CFAP53: variants seen among roughly 807,000 people sequenced by gnomAD.
CFAP53 encodes cilia- and flagella-associated protein 53.
A neutral mutation model predicts 59.7 loss-of-function variants in CFAP53; 62 were observed. The observed-to-expected ratio is 1.04, with a 90% CI of 0.85 to 1.28. The LOEUF (loss-of-function observed/expected upper bound fraction) is 1.28. Among genes scored for constraint, CFAP53 ranks in the 50% most tolerant of loss-of-function variants. The probability of loss-of-function intolerance (pLI) is 0.00; values close to 1 mark genes in which losing one functional copy is unlikely to be tolerated. For synonymous variants in CFAP53, 218 were observed against 205.7 expected, an observed-to-expected ratio of 1.06 and a Z score of -0.51; for missense variants, 629 against 615.6, an observed-to-expected ratio of 1.02 and a Z score of -0.23.
intron 7 of CFAP53, among the ~76,000 whole-genome samples, chr18:50,233,292 A>C (rs1599113193): frequency 6.6e-6 from 1 of 152,180 alleles, no homozygotes; most frequent in Non-Finnish European, 1.5e-5. Flanking sequence ...AAAATAAATA[A>C]ATAAATCCAA....
intron 1 of CFAP53, 59 bp from the exon 2 acceptor site, chr18:50,262,278 A>G: frequency 7.1e-7 from 1 of 1,404,028 alleles, no homozygotes; most frequent in Non-Finnish European, 1.0e-6. Flanking sequence ...GCATATTTTC[A>G]ATTAGTTATG....
chr18:50,256,848 T>C (rs1346035580), intron 3 of CFAP53, among the ~76,000 whole-genome samples: 1 of 151,350 alleles, frequency 6.6e-6, no homozygotes, highest in African/African-American at 2.4e-5. Context: ...AAATGAACTC[T>C]TGTATTCCTT....
intron 3 of CFAP53, among the ~76,000 whole-genome samples, chr18:50,253,690 T>C (rs926473346): frequency 6.6e-6 from 1 of 152,174 alleles, no homozygotes; most frequent in Admixed American, 6.5e-5. Context: ...GATGAGGAAA[T>C]GGAAGCACAC....
chr18:50,230,929 C>G (rs2033577878), intron 7 of CFAP53, among the ~76,000 whole-genome samples: 1 of 152,148 alleles, frequency 6.6e-6, no homozygotes, highest in African/African-American at 2.4e-5. Context: ...TGTCTCCCTC[C>G]CCATATGTGT....
At chr18:50,262,704 T>C (rs188999766) in intron 1 of CFAP53, among the ~76,000 whole-genome samples, 13 of 152,158 alleles carry the variant, frequency 8.5e-5, no homozygotes, top group African/African-American at 2.4e-4. Context: ...TGCGAATATA[T>C]AGAAAAAATA....
At chr18:50,245,140 T>C (rs1229562037) in intron 5 of CFAP53, among the ~76,000 whole-genome samples, 1 of 150,342 alleles carries the variant, frequency 6.7e-6, no homozygotes, top group Admixed American at 6.6e-5. Context: ...CCCAGCACTT[T>C]GGGAGGCCGA....
At chr18:50,245,818 T>G (rs896132349) in intron 5 of CFAP53, among the ~76,000 whole-genome samples, 1 of 152,150 alleles carries the variant, frequency 6.6e-6, no homozygotes, top group African/African-American at 2.4e-5. Context: ...AAAACAATTT[T>G]AAAAAGAACA....
chr18:50,256,480 C>T (rs12957058), intron 3 of CFAP53: 27,741 of 152,108 alleles, frequency 0.18, 2,624 homozygotes, highest in East Asian at 0.23. Context: ...TGGCAAGTCG[C>T]GTCTGGCCCT....
chr18:50,236,905 C>T (rs112286685), intron 7 of CFAP53, among the ~76,000 whole-genome samples: 47 of 152,200 alleles, frequency 3.1e-4, no homozygotes, highest in African/African-American at 1.1e-3. Context: ...AACTGTAATA[C>T]CTCTGCCCAT....
chr18:50,254,358 C>G (rs1039592217), intron 3 of CFAP53, among the ~76,000 whole-genome samples: 9 of 152,116 alleles, frequency 5.9e-5, no homozygotes, highest in Admixed American at 2.0e-4. Context: ...AAAATAAGCA[C>G]ATGAAAAGTT....
At chr18:50,244,904 TA>T (rs1191898245) in intron 5 of CFAP53, among the ~76,000 whole-genome samples, 4 of 150,756 alleles carry the variant, frequency 2.7e-5, no homozygotes, top group Admixed American at 6.6e-5. Context: ...CTACTAAAAA[TA>T]CAAAAAAATT....
intron 7 of CFAP53, among the ~76,000 whole-genome samples, chr18:50,238,169 G>C (rs1006692226): frequency 6.6e-6 from 1 of 152,200 alleles, no homozygotes; most frequent in African/African-American, 2.4e-5. Flanking sequence ...TGCTTTGAGC[G>C]TCTAGAAGGA....
chr18:50,238,818 G>A (rs1339379312), intron 6 of CFAP53, 113 bp from the exon 7 acceptor site: 3 of 716,048 alleles, frequency 4.2e-6, no homozygotes, highest in Admixed American at 5.6e-5. Flanking sequence ...TAGAATCAAG[G>A]CTGGATCTTA....
intron 3 of CFAP53, among the ~76,000 whole-genome samples, chr18:50,260,360 A>T (rs916418360): frequency 6.6e-6 from 1 of 152,112 alleles, no homozygotes; most frequent in Non-Finnish European, 1.5e-5. Flanking sequence ...GAAACAGACA[A>T]TAAAGAAGAG....
chr18:50,227,197 G>C lies in CFAP53; in HGVS notation c.*184C>G. The C allele has an allele frequency of 1.8e-6, 1 of 569,890 alleles. No homozygotes were observed. Among genetic ancestry groups the C allele is most frequent in the Non-Finnish European group, 3.1e-6 (1 of 322,750 alleles). 35.3% of individuals were successfully genotyped at this position (569,890 alleles called of 1,614,324 possible). Reference sequence around the variant, plus strand: ...AACATGAGATTAAGTAGATCATTTGGATTTGTAAGTCTGTGAACTCCAAAA... The same window carrying C: ...AACATGAGATTAAGTAGATCATTTGCATTTGTAAGTCTGTGAACTCCAAAA... On this transcript the variant is annotated 3_prime_UTR_variant, in exon 8 of 8. Transcript: ENST00000398545.
At chr18:50,230,049 T>A (rs1449753564) in intron 7 of CFAP53, among the ~76,000 whole-genome samples, 1 of 152,202 alleles carries the variant, frequency 6.6e-6, no homozygotes, top group East Asian at 1.9e-4. Flanking sequence ...TGACCCACCA[T>A]GCCTGGCCTC....
intron 5 of CFAP53, among the ~76,000 whole-genome samples, chr18:50,246,534 G>C (rs1335451899): frequency 6.6e-6 from 1 of 152,130 alleles, no homozygotes; most frequent in Non-Finnish European, 1.5e-5. Flanking sequence ...AGAAAACAAA[G>C]AAGTACATCT....
intron 7 of CFAP53, among the ~76,000 whole-genome samples, chr18:50,231,557 C>A (rs1037514260): frequency 3.9e-5 from 6 of 152,208 alleles, no homozygotes; most frequent in Non-Finnish European, 8.8e-5. Context: ...CTAACTACCA[C>A]CTGTTCAGGT....
chr18:50,264,738 T>C (rs2144440376), intron 1 of CFAP53, among the ~76,000 whole-genome samples: 1 of 152,364 alleles, frequency 6.6e-6, no homozygotes, highest in South Asian at 2.1e-4. Context: ...AAGTATTCAA[T>C]AAGCCCGCTT....
Sources: allele counts gnomAD v4.1 joint callset (sites outside exome capture counted in the v4.1 genomes callset), GRCh38; gene constraint gnomAD v4.1.1; transcripts MANE v1.5; gene names NCBI Gene and HGNC (gene_info 2026-07-23, HGNC 2026-07-21).